BAALC: variants seen among roughly 807,000 people sequenced by gnomAD.
BAALC encodes BAALC binder of MAP3K1 and KLF4.
Under a neutral mutation model 15.5 loss-of-function variants are expected in BAALC, and 9 were observed. The ratio of observed to expected loss-of-function variants is 0.58; its 90% CI spans 0.35 to 1.02. The LOEUF is 1.02. Ranked by LOEUF, BAALC falls within the 50% of genes least tolerant of loss-of-function variation. BAALC has a pLI of 0.02. For missense variants in BAALC, 201 were observed against 192.4 expected, an observed-to-expected ratio of 1.04 and a Z score of -0.27; for synonymous variants, 80 against 74.6, an observed-to-expected ratio of 1.07 and a Z score of -0.37.
At chr8:103,176,539 C>T (rs368269989) in intron 1 of BAALC, among the ~76,000 whole-genome samples, 10 of 152,068 alleles carry the variant, frequency 6.6e-5, no homozygotes, top group African/African-American at 1.4e-4. Flanking sequence ...AGAAACACAC[C>T]GATCTTGCTA....
intron 1 of BAALC, among the ~76,000 whole-genome samples, chr8:103,160,477 A>G (rs1430978167): frequency 6.6e-6 from 1 of 152,280 alleles, no homozygotes; most frequent in East Asian, 1.9e-4. Flanking sequence ...GTGATTACTG[A>G]AAATGTTTTT....
chr8:103,173,925 A>G (rs1228363734), intron 1 of BAALC, among the ~76,000 whole-genome samples: 1 of 152,214 alleles, frequency 6.6e-6, no homozygotes. Context: ...TAGTCTACAT[A>G]AGAACCAAAA....
At chr8:103,143,055 G>C (rs563425473) in intron 1 of BAALC, among the ~76,000 whole-genome samples, 2 of 152,326 alleles carry the variant, frequency 1.3e-5, no homozygotes, top group Non-Finnish European at 2.9e-5. Context: ...AGCCTCAGGG[G>C]AGAGGGATAT....
chr8:103,147,349 TG>T (rs1164443588), intron 1 of BAALC, among the ~76,000 whole-genome samples: 1 of 152,214 alleles, frequency 6.6e-6, no homozygotes, highest in Admixed American at 6.5e-5. Context: ...GATAGCACAA[TG>T]GGATGACGAT....
chr8:103,181,283 T>C (rs1048191824), intron 1 of BAALC, among the ~76,000 whole-genome samples: 2 of 152,144 alleles, frequency 1.3e-5, no homozygotes, highest in African/African-American at 4.8e-5. Context: ...TTTTTTGTTG[T>C]TGTTTTTGAG....
chr8:103,210,368 C>T (rs1428030341), intron 1 of BAALC, among the ~76,000 whole-genome samples: 2 of 152,240 alleles, frequency 1.3e-5, no homozygotes, highest in Non-Finnish European at 2.9e-5. Context: ...ATTTCTATCC[C>T]ATGGTCACAG....
chr8:103,147,326 AG>A (rs1400913819), intron 1 of BAALC, among the ~76,000 whole-genome samples: 1 of 152,240 alleles, frequency 6.6e-6, no homozygotes, highest in East Asian at 1.9e-4. Context: ...AGAATGAATA[AG>A]ACCTACTATT....
chr8:103,145,046 T>C (rs72671361), intron 1 of BAALC, among the ~76,000 whole-genome samples: 10,394 of 152,328 alleles, frequency 0.068, 452 homozygotes, highest in Middle Eastern at 0.095. Flanking sequence ...CCAAAGCCTC[T>C]ACTCCTAAAT....
chr8:103,203,331 T>C (rs1563652596), intron 1 of BAALC, among the ~76,000 whole-genome samples: 1 of 152,264 alleles, frequency 6.6e-6, no homozygotes, highest in Non-Finnish European at 1.5e-5. Context: ...TTTCTCTCCT[T>C]GATCATTGCT....
chr8:103,220,904 T>C (rs1812661959), intron 2 of BAALC, among the ~76,000 whole-genome samples: 1 of 152,238 alleles, frequency 6.6e-6, no homozygotes, highest in African/African-American at 2.4e-5. Context: ...TTTTTCTTTG[T>C]TGTCTGCAAA....
chr8:103,204,205 T>G (rs955240206), intron 1 of BAALC, among the ~76,000 whole-genome samples: 1 of 152,240 alleles, frequency 6.6e-6, no homozygotes, highest in African/African-American at 2.4e-5. Context: ...ATGTGTTTAT[T>G]GGCCATTTGC....
At chr8:103,215,672 T>C (rs1812539069) in intron 2 of BAALC, among the ~76,000 whole-genome samples, 1 of 152,192 alleles carries the variant, frequency 6.6e-6, no homozygotes, top group Non-Finnish European at 1.5e-5. Flanking sequence ...AAAACCAAAC[T>C]ACTTGAACGC....
At chr8:103,162,030 G>T (rs562919184) in intron 1 of BAALC, among the ~76,000 whole-genome samples, 1 of 152,110 alleles carries the variant, frequency 6.6e-6, no homozygotes, top group Non-Finnish European at 1.5e-5. Context: ...ATACGATCAA[G>T]GTTCACTGCA....
chr8:103,143,227 G>C (rs1313175402), intron 1 of BAALC, among the ~76,000 whole-genome samples: 1 of 152,042 alleles, frequency 6.6e-6, no homozygotes, highest in Admixed American at 6.6e-5. Flanking sequence ...CTGGGTTTCA[G>C]CCACCCTGGG....
At chr8:103,197,297 G>A (rs1483381027) in intron 1 of BAALC, among the ~76,000 whole-genome samples, 1 of 151,980 alleles carries the variant, frequency 6.6e-6, no homozygotes, top group Non-Finnish European at 1.5e-5. Flanking sequence ...CAGGACCTCA[G>A]GCACTTTAAA....
At chr8:103,167,453 A>G (rs1811374368) in intron 1 of BAALC, among the ~76,000 whole-genome samples, 1 of 152,210 alleles carries the variant, frequency 6.6e-6, no homozygotes, top group Non-Finnish European at 1.5e-5. Flanking sequence ...CACATGATTT[A>G]ATGTTAATTT....
intron 1 of BAALC, among the ~76,000 whole-genome samples, chr8:103,194,746 T>C (rs1246737424): frequency 1.3e-5 from 2 of 152,168 alleles, no homozygotes; most frequent in East Asian, 1.9e-4. Context: ...CCATTCCTCA[T>C]AGACGGTGCC....
chr8:103,168,608 T>A (rs975196236), intron 1 of BAALC, among the ~76,000 whole-genome samples: 1 of 152,098 alleles, frequency 6.6e-6, no homozygotes, highest in Admixed American at 6.6e-5. Flanking sequence ...AATTAGGAAT[T>A]CTATCACAAT....
chr8:103,143,736 A>C (rs1320485216), intron 1 of BAALC, among the ~76,000 whole-genome samples: 1 of 152,196 alleles, frequency 6.6e-6, no homozygotes, highest in African/African-American at 2.4e-5. Flanking sequence ...CTAGGGGAGA[A>C]GCTAATTCAT....
Sources: allele counts gnomAD v4.1 joint callset (sites outside exome capture counted in the v4.1 genomes callset), GRCh38; gene constraint gnomAD v4.1.1; transcripts MANE v1.5; gene names NCBI Gene and HGNC (gene_info 2026-07-23, HGNC 2026-07-21).